NAALADL2: variants seen among roughly 807,000 people sequenced by gnomAD.
NAALADL2 encodes inactive N-acetylated-alpha-linked acidic dipeptidase-like protein 2.
A neutral mutation model predicts 87.2 loss-of-function variants in NAALADL2; 76 were observed. The observed-to-expected ratio is 0.87, with a 90% CI of 0.72 to 1.05. NAALADL2 has a LOEUF of 1.05. NAALADL2 is among the 50% of genes least tolerant of loss of function. NAALADL2 has a pLI of 0.00. For synonymous variants in NAALADL2, 354 were observed against 331.0 expected (o/e 1.07, Z -0.75); for missense variants, 1,089 against 945.8 (o/e 1.15, Z -1.99).
At chr3:175,799,686 C>T (rs1028220017) in intron 13 of NAALADL2, among the ~76,000 whole-genome samples, 2 of 152,090 alleles carry the variant, frequency 1.3e-5, no homozygotes, top group African/African-American at 2.4e-5. Flanking sequence ...TGAAATAAAA[C>T]TAATATTTAG....
intron 1 of NAALADL2, among the ~76,000 whole-genome samples, chr3:174,877,484 T>C (rs1728655262): frequency 6.6e-6 from 1 of 152,100 alleles, no homozygotes; most frequent in South Asian, 2.1e-4. Context: ...GGCTCTCACA[T>C]CTCTGCCATA....
chr3:175,026,140 A>G (rs1425570705), intron 1 of NAALADL2, among the ~76,000 whole-genome samples: 3 of 152,142 alleles, frequency 2.0e-5, no homozygotes, highest in Non-Finnish European at 4.4e-5. Flanking sequence ...TGAATTATTA[A>G]GTTAACAATA....
chr3:174,538,312 G>C (rs1721911927), intron 1 of NAALADL2, among the ~76,000 whole-genome samples: 2 of 152,028 alleles, frequency 1.3e-5, no homozygotes, highest in South Asian at 4.1e-4. Context: ...GTTCCAGCCA[G>C]GATGGGAAGT....
At chr3:175,689,323 TAAAATGTGTCATAGG>T (rs938060969) in intron 11 of NAALADL2, among the ~76,000 whole-genome samples, 50 of 152,198 alleles carry the variant, frequency 3.3e-4, no homozygotes, top group South Asian at 1.2e-3. Context: ...GAGAAACATA[TAAAATGTGTCATAGG>T]AAGAGAGAGA....
At chr3:174,761,805 T>G (rs1710237) in intron 3 of NAALADL2, among the ~76,000 whole-genome samples, 44,024 of 141,786 alleles carry the variant, frequency 0.31, 6,794 homozygotes, top group Middle Eastern at 0.37. Flanking sequence ...TTCTCCTTCC[T>G]GTGTCCACGT....
chr3:175,080,051 C>T (rs907290121), intron 1 of NAALADL2, among the ~76,000 whole-genome samples: 5 of 151,706 alleles, frequency 3.3e-5, no homozygotes, highest in Non-Finnish European at 7.4e-5. Flanking sequence ...CTGCAAGCTC[C>T]GCCTCCCGGG....
chr3:175,780,112 C>CA (rs397876700), intron 13 of NAALADL2, among the ~76,000 whole-genome samples: 7,227 of 133,332 alleles, frequency 0.054, 300 homozygotes, highest in African/African-American at 0.12. Context: ...ACTAAAAATA[C>CA]AAAAAAAAAA....
At chr3:175,735,923 CT>C (rs1201133657) in intron 11 of NAALADL2, among the ~76,000 whole-genome samples, 1 of 152,210 alleles carries the variant, frequency 6.6e-6, no homozygotes, top group African/African-American at 2.4e-5. Context: ...CTAATTTCCC[CT>C]GTGTAGTTTC....
At chr3:175,304,642 A>T (rs1757479726) in intron 4 of NAALADL2, among the ~76,000 whole-genome samples, 1 of 152,116 alleles carries the variant, frequency 6.6e-6, no homozygotes, top group Non-Finnish European at 1.5e-5. Context: ...GCCAGACCAG[A>T]TGCTCCACTG....
At chr3:175,056,759 TG>T (rs1712283225) in intron 1 of NAALADL2, among the ~76,000 whole-genome samples, 1 of 152,178 alleles carries the variant, frequency 6.6e-6, no homozygotes, top group African/African-American at 2.4e-5. Flanking sequence ...AATAAAGGGA[TG>T]GGTCTGGCTA....
intron 1 of NAALADL2, among the ~76,000 whole-genome samples, chr3:174,870,166 G>A (rs1360646323): frequency 6.6e-6 from 1 of 151,976 alleles, no homozygotes; most frequent in African/African-American, 2.4e-5. Flanking sequence ...TTGTTATTCT[G>A]GAATATTTAT....
intron 3 of NAALADL2, among the ~76,000 whole-genome samples, chr3:174,809,865 A>G (rs1382251436): frequency 6.6e-6 from 1 of 152,152 alleles, no homozygotes; most frequent in Non-Finnish European, 1.5e-5. Flanking sequence ...AATCCTGCAC[A>G]AATGGTTTAG....
At chr3:175,096,654 G>A (rs1283246262) in intron 1 of NAALADL2, 136 bp from the exon 2 acceptor site, 1 of 436,078 alleles carries the variant, frequency 2.3e-6, no homozygotes, top group Non-Finnish European at 3.9e-6. Flanking sequence ...TAAAATATGA[G>A]TTTCTATAGG....
At chr3:174,484,921 C>T (rs568932847) in intron 1 of NAALADL2, among the ~76,000 whole-genome samples, 20 of 151,788 alleles carry the variant, frequency 1.3e-4, no homozygotes, top group Admixed American at 3.3e-4. Flanking sequence ...TTTGCTTAGC[C>T]GGTAGTTGTG....
rs545929359 is a variant in NAALADL2 at position 174,831,980 on chromosome 3, C to G, written c.-9+94234C>G. Among the ~76,000 whole-genome samples the G allele has an allele frequency of 3.6e-3, 549 of 151,812 alleles. 3 individuals are homozygous for G. The highest frequency in any genetic ancestry group is 0.021 in the Middle Eastern group (6 of 292). On this transcript the variant is annotated intron_variant, in intron 3 of 3. Coordinates refer to the NAALADL2 transcript ENST00000434257. Reference sequence around the variant, plus strand: ...TCCCCTTTATCATTTTTTATTGCGTCTATTTGATTCTTCTCTCTTTTTTTC... The same window carrying G: ...TCCCCTTTATCATTTTTTATTGCGTGTATTTGATTCTTCTCTCTTTTTTTC...
chr3:175,513,065 C>G (rs955525760), intron 9 of NAALADL2, among the ~76,000 whole-genome samples: 1 of 152,196 alleles, frequency 6.6e-6, no homozygotes, highest in Non-Finnish European at 1.5e-5. Flanking sequence ...GAGCTCAATG[C>G]TGCCCCAGTT....
At chr3:175,327,175 A>G (rs1187402147) in intron 5 of NAALADL2, among the ~76,000 whole-genome samples, 2 of 88,816 alleles carry the variant, frequency 2.3e-5, no homozygotes, top group African/African-American at 4.9e-5. Flanking sequence ...TTTTTTTCTG[A>G]GATGGAGTCT....
At chr3:175,714,254 G>A (rs1221330492) in intron 11 of NAALADL2, among the ~76,000 whole-genome samples, 1 of 152,128 alleles carries the variant, frequency 6.6e-6, no homozygotes, top group Non-Finnish European at 1.5e-5. Context: ...CCAGTTATGG[G>A]ATTGCTGGGT....
Position 174,961,773 on chromosome 3 carries a change from G to A in NAALADL2, c.43+102323G>A, listed in dbSNP as rs187262588. Among the ~76,000 whole-genome samples the A allele has an allele frequency of 3.9e-5, 6 of 152,076 alleles. No individual in the cohort carries two copies. The South Asian group carries it at 6.2e-4, about 16-fold the overall frequency. ...ATAATTACATCCTGACTCTATAGCC[G>A]ATGATAATGAGAAAGATACATATGT... is the stretch of plus-strand genomic sequence containing the variant. On this transcript the variant is annotated intron_variant, in intron 1 of 13. Coordinates refer to ENST00000454872, the MANE Select transcript of NAALADL2 (RefSeq NM_207015.3).
Sources: allele counts gnomAD v4.1 joint callset (sites outside exome capture counted in the v4.1 genomes callset), GRCh38; gene constraint gnomAD v4.1.1; transcripts MANE v1.5; gene names NCBI Gene and HGNC (gene_info 2026-07-23, HGNC 2026-07-21).